The following AOPEP variants were observed in gnomAD, a reference collection of about 807,000 sequenced individuals.
The protein encoded by AOPEP is aminopeptidase O.
AOPEP carries 77 observed loss-of-function variants against 98.1 expected under a neutral mutation model. That is an observed-to-expected ratio of 0.78 (90% CI 0.65 to 0.95). The LOEUF (loss-of-function observed/expected upper bound fraction) is 0.95. Ranked by LOEUF, AOPEP falls within the 40% of genes least tolerant of loss-of-function variation. The pLI is 0.00. For synonymous variants in AOPEP, 346 were observed against 365.3 expected, an observed-to-expected ratio of 0.95 and a Z score of 0.60; for missense variants, 1,024 against 1,024.7, an observed-to-expected ratio of 1.00 and a Z score of 0.01.
chr9:94,850,777 A>G (rs1440431888), intron 5 of AOPEP, among the ~76,000 whole-genome samples: 1 of 152,200 alleles, frequency 6.6e-6, no homozygotes, highest in East Asian at 1.9e-4. Flanking sequence ...AATCTGGTCC[A>G]CATTTCTGTG....
rs1837963159 is a variant in AOPEP at position 94,760,357 on chromosome 9, G to A, written c.574G>A (p.Val192Met). ...EFRNQIVREL[V>M]TLPANRWREQ... The stretch of plus-strand genomic sequence containing the variant: ...CAGGAATCAGATTGTACGTGAACTT[G>A]TGACTTTGCCTGCAAATCGTTGGAG... Residue 192 changes from valine to methionine, a missense_variant, in exon 2 of 17, where the codon GTG becomes ATG. Val to Met is a conservative substitution (Grantham distance 21, BLOSUM62 1). Transcript: ENST00000375315. The A allele has an allele frequency of 6.2e-7, 1 of 1,614,054 alleles. No homozygotes were observed. The highest frequency in any genetic ancestry group is 1.3e-5 in the African/African-American group (1 of 74,922).
At chr9:94,895,329 A>G (rs1336379984) in intron 5 of AOPEP, among the ~76,000 whole-genome samples, 1 of 151,170 alleles carries the variant, frequency 6.6e-6, no homozygotes, top group East Asian at 2.0e-4. Flanking sequence ...GAACCTGGAA[A>G]GTCAAGGCTA....
intron 13 of AOPEP, among the ~76,000 whole-genome samples, chr9:95,034,140 A>G (rs2133417322): frequency 6.6e-6 from 1 of 152,266 alleles, no homozygotes; most frequent in South Asian, 2.1e-4. Flanking sequence ...ATTCCAGGGT[A>G]CCTATTTGAA....
chr9:94,894,309 T>C (rs1588742510), intron 5 of AOPEP, among the ~76,000 whole-genome samples: 1 of 152,096 alleles, frequency 6.6e-6, no homozygotes, highest in African/African-American at 2.4e-5. Flanking sequence ...AGAGATAACA[T>C]TGGCTAACTG....
chr9:94,886,284 G>A (rs2048231908), intron 5 of AOPEP, among the ~76,000 whole-genome samples: 1 of 152,188 alleles, frequency 6.6e-6, no homozygotes, highest in Admixed American at 6.5e-5. Flanking sequence ...GGTGTGCTGT[G>A]TTGGGTGTGT....
intron 1 of AOPEP, among the ~76,000 whole-genome samples, chr9:94,731,306 C>T (rs960719414): frequency 5.9e-5 from 9 of 151,966 alleles, no homozygotes; most frequent in South Asian, 2.1e-4. Flanking sequence ...CGGCTCACTG[C>T]GAGCTCTGCC....
At chr9:95,114,764 G>A in the AOPEP span, 2 of 1,497,670 alleles carry the variant, frequency 1.3e-6, no homozygotes, top group East Asian at 4.5e-5. Flanking sequence ...TCAAGCCCAT[G>A]AGGAACCACC....
chr9:95,119,161 A>C, the AOPEP span, among the ~76,000 whole-genome samples: 5 of 152,328 alleles, frequency 3.3e-5, no homozygotes, highest in Admixed American at 3.3e-4. Context: ...GACGCTGAAC[A>C]GTTTTCATGT....
intron 14 of AOPEP, among the ~76,000 whole-genome samples, chr9:95,074,826 TC>T (rs888217954): frequency 2.0e-5 from 3 of 152,142 alleles, no homozygotes; most frequent in Non-Finnish European, 2.9e-5. Context: ...CACCTGCTCT[TC>T]CCCCTCCCAG....
intron 9 of AOPEP, 74 bp downstream of exon 9, chr9:94,956,089 A>T (rs1194537854): frequency 1.2e-6 from 1 of 820,608 alleles, no homozygotes. Context: ...AGATTATGCC[A>T]GTATTAAAGA....
the AOPEP span, among the ~76,000 whole-genome samples, chr9:95,096,570 C>G: frequency 1.3e-5 from 2 of 152,180 alleles, no homozygotes; most frequent in African/African-American, 4.8e-5. Context: ...GGTCCCTCTG[C>G]CTAGAGATGC....
At chr9:95,031,793 T>C (rs541971540) in intron 13 of AOPEP, among the ~76,000 whole-genome samples, 1 of 152,352 alleles carries the variant, frequency 6.6e-6, no homozygotes, top group African/African-American at 2.4e-5. Context: ...TGTGTCCCAG[T>C]TCAAACAAGC....
the AOPEP span, among the ~76,000 whole-genome samples, chr9:95,103,922 G>T: frequency 2.0e-5 from 3 of 152,210 alleles, no homozygotes; most frequent in African/African-American, 7.2e-5. Context: ...CCTTTGCCTT[G>T]AGCTGGCACT....
chr9:94,883,678 G>A (rs989381230), intron 5 of AOPEP, among the ~76,000 whole-genome samples: 8 of 152,192 alleles, frequency 5.3e-5, no homozygotes, highest in African/African-American at 1.9e-4. Context: ...TGATGTATTA[G>A]AGTAATAAAG....
At chr9:95,062,577 G>C (rs1485212372) in intron 14 of AOPEP, among the ~76,000 whole-genome samples, 1 of 152,186 alleles carries the variant, frequency 6.6e-6, no homozygotes, top group Non-Finnish European at 1.5e-5. Context: ...ATGTGGATGG[G>C]CCGGTACAGG....
At chr9:94,914,268 C>T (rs745751567) in intron 5 of AOPEP, among the ~76,000 whole-genome samples, 1 of 152,052 alleles carries the variant, frequency 6.6e-6, no homozygotes, top group Admixed American at 6.6e-5. Context: ...GGCAGGGAGA[C>T]GGGAGGGAGA....
At chr9:95,045,970 G>A (rs1424239383) in intron 13 of AOPEP, among the ~76,000 whole-genome samples, 1 of 152,222 alleles carries the variant, frequency 6.6e-6, no homozygotes, top group Non-Finnish European at 1.5e-5. Flanking sequence ...GGAACGCAGG[G>A]TAGGTGCTCA....
At chr9:95,049,164 G>A (rs934591765) in intron 13 of AOPEP, 1 of 152,206 alleles carries the variant, frequency 6.6e-6, no homozygotes, top group Non-Finnish European at 1.5e-5. Flanking sequence ...AAATTTTAAA[G>A]TTTGTTTATC....
chr9:94,925,167 T>G (rs2054121342), intron 6 of AOPEP, among the ~76,000 whole-genome samples: 1 of 152,190 alleles, frequency 6.6e-6, no homozygotes, highest in African/African-American at 2.4e-5. Flanking sequence ...AATTTTTGTA[T>G]TTTTAGTAGA....
Sources: allele counts gnomAD v4.1 joint callset (sites outside exome capture counted in the v4.1 genomes callset), GRCh38; gene constraint gnomAD v4.1.1; transcripts MANE v1.5; gene names NCBI Gene and HGNC (gene_info 2026-07-23, HGNC 2026-07-21).